NPPA: variants seen among roughly 807,000 people sequenced by gnomAD.
NPPA encodes natriuretic peptide A.
A neutral mutation model predicts 12.2 loss-of-function variants in NPPA; 10 were observed. That is an observed-to-expected ratio of 0.82 (90% CI 0.50 to 1.38). The LOEUF is 1.38. NPPA is among the 40% of genes most tolerant of loss of function. The probability of loss-of-function intolerance (pLI) is 0.00; values close to 1 mark genes in which losing one functional copy is unlikely to be tolerated. For synonymous variants in NPPA, 85 were observed against 80.2 expected (o/e 1.06, Z -0.32); for missense variants, 207 against 193.5 (o/e 1.07, Z -0.41).
At chr1:11,846,226 C>A (rs1645067287) in intron 2 of NPPA, among the ~76,000 whole-genome samples, 1 of 151,862 alleles carries the variant, frequency 6.6e-6, no homozygotes, top group Non-Finnish European at 1.5e-5. Flanking sequence ...CAGGATCTTG[C>A]AATTCTGGGG....
chr1:11,846,312 C>A (rs373135552), intron 2 of NPPA, among the ~76,000 whole-genome samples: 6 of 146,230 alleles, frequency 4.1e-5, no homozygotes, highest in Admixed American at 2.0e-4. Flanking sequence ...GTGCTAGTGG[C>A]AGTTGCTTTT....
rs756655689 is a variant in NPPA, at chr1:11,846,228, A to G, written c.451-214T>C. On this transcript the variant is annotated intron_variant, in intron 2 of 2. Transcript: ENST00000376480. ...CACTTAAGCCCTTCAGGATCTTGCA[A>G]TTCTGGGGAGGAATATGAACTGCTA... 5.3e-5 allele frequency among the ~76,000 whole-genome samples: 8 copies of G among 152,116 alleles called. No individual in the cohort carries two copies. The South Asian group carries it at 6.2e-4, about 12-fold the overall frequency.
At chr1:11,846,381 G>A (rs1049331557) in intron 2 of NPPA, among the ~76,000 whole-genome samples, 59 of 146,484 alleles carry the variant, frequency 4.0e-4, no homozygotes, top group Non-Finnish European at 1.2e-4. Flanking sequence ...GTGCAGTGGT[G>A]CCATCTCTGC....
In NPPA at chr1:11,845,901, A is replaced by T; in HGVS notation, c.*108T>A. On this transcript the variant is annotated 3_prime_UTR_variant, in exon 3 of 3. Transcript: ENST00000376480. Reference sequence around the variant, plus strand: ...CTGCAGCTTAGATGGGATGATCACAACTCCATGGCAACAAGATGACACAAA... The same window carrying T: ...CTGCAGCTTAGATGGGATGATCACATCTCCATGGCAACAAGATGACACAAA... 9.1e-7 allele frequency: 1 copy of T among 1,094,356 alleles called. No individual in the cohort carries two copies. The highest frequency in any genetic ancestry group is 1.4e-6 in the Non-Finnish European group (1 of 705,616). 67.8% of individuals were successfully genotyped at this position (1,094,356 alleles called of 1,614,324 possible).
chr1:11,847,509 ACAGCAT>A, intron 1 of NPPA, 47 bp downstream of exon 1: 1 of 1,614,140 alleles, frequency 6.2e-7, no homozygotes. Context: ...AGGAGTGAGC[ACAGCAT>A]CAGAAAGCCC....
rs952670905 is a variant in NPPA, at chr1:11,845,714, C to T, written c.*295G>A. The T allele has an allele frequency of 2.3e-6, 1 of 430,122 alleles. No individual in the cohort carries two copies. Among genetic ancestry groups the T allele is most frequent in the African/African-American group, 2.0e-5 (1 of 50,868 alleles). The allele number at this position is 430,122 out of a possible 1,614,324, so 26.6% of individuals were successfully genotyped here. On this transcript the variant is annotated 3_prime_UTR_variant, in exon 3 of 3. Coordinates refer to ENST00000376480, the MANE Select transcript of NPPA (RefSeq NM_006172.4). ...AAAGCACACCAACGCAGGCATTTGT[C>T]TTCTGTCCATGGTGCTGAAGTTTAT... is the stretch of plus-strand genomic sequence containing the variant.
rs1645077479 is a variant in NPPA, at chr1:11,847,456, T to TA, written c.124-18dup. On this transcript the variant is annotated splice_polypyrimidine_tract_variant and intron_variant, in intron 1 of 2. Transcript: ENST00000376480. ...CAGCAAATTCTTTAGAAAAGGAAAA[T>TA]ACAGGGAAAGGGATAAACCTCACTG... 2 of 1,613,782 alleles carry TA rather than the reference T, an allele frequency of 1.2e-6. No homozygotes were observed. Among genetic ancestry groups the TA allele is most frequent in the Non-Finnish European group, 1.7e-6 (2 of 1,179,964 alleles).
Position 11,847,414 on chromosome 1 carries a change from T to G in NPPA, c.149A>C (p.Lys50Thr). ...FKNLLDHLEE[K>T]MPLEDEVVPP... ...CACGACCTCATCTTCTAAAGGCATC[T>G]TTTCTTCCAAATGGTCCAGCAAATT... The change falls in exon 2 of 3, where the codon AAG (lysine) becomes ACG (threonine). Residue 50 changes from lysine to threonine, a missense_variant. Physicochemically the swap from Lys to Thr is moderately conservative, Grantham distance 78. Transcript: ENST00000376480. 6.2e-7 allele frequency: 1 copy of G among 1,614,066 alleles called. No homozygotes were observed. The highest frequency in any genetic ancestry group is 8.5e-7 in the Non-Finnish European group (1 of 1,180,016).
At chr1:11,847,472 AACC>A in intron 1 of NPPA, 33 bp from the exon 2 acceptor site, 1 of 1,613,966 alleles carries the variant, frequency 6.2e-7, no homozygotes, top group Non-Finnish European at 8.5e-7. Flanking sequence ...GAAAGGGATA[AACC>A]TCACTGACTT....
rs5068 is a variant in NPPA at position 11,845,917 on chromosome 1, A to G, written c.*92T>C. ...ATGATCACAACTCCATGGCAACAAG[A>G]TGACACAAATGCAGCAGAGACCCCA... On this transcript the variant is annotated 3_prime_UTR_variant, in exon 3 of 3. Coordinates refer to ENST00000376480, the MANE Select transcript of NPPA (RefSeq NM_006172.4). 62,310 of 1,253,368 alleles carry G rather than the reference A, an allele frequency of 0.05. 1,814 individuals are homozygous for G. Among genetic ancestry groups the G allele is most frequent in the Non-Finnish European group, 0.055 (46,436 of 850,816 alleles). 77.6% of individuals were successfully genotyped at this position (1,253,368 alleles called of 1,614,324 possible).
chr1:11,846,917 C>T (rs1345890742), intron 2 of NPPA, among the ~76,000 whole-genome samples, 196 bp downstream of exon 2: 1 of 147,380 alleles, frequency 6.8e-6, no homozygotes, highest in African/African-American at 2.4e-5. Flanking sequence ...CCCAGCCCCC[C>T]CCCCTTTTTT....
In NPPA at chr1:11,845,986, C is replaced by T. The variant is rs1184616704; in HGVS notation, c.*23G>A. 1 of 1,613,590 alleles carries T rather than the reference C, an allele frequency of 6.2e-7. No homozygotes were observed. The stretch of plus-strand genomic sequence containing the variant: ...CAGTCTGTCCCTAGGCCCAGCCCTG[C>T]TTGTCCTCCCTGGCTGTTATCTTCA... On this transcript the variant is annotated 3_prime_UTR_variant, in exon 3 of 3. Transcript: ENST00000376480.
rs1388432817 is a variant in NPPA at position 11,845,927 on chromosome 1, T to C, written c.*82A>G. On this transcript the variant is annotated 3_prime_UTR_variant, in exon 3 of 3. Coordinates refer to ENST00000376480, the MANE Select transcript of NPPA (RefSeq NM_006172.4). ...CTCCATGGCAACAAGATGACACAAA[T>C]GCAGCAGAGACCCCAGGGGACAGGA... 4 of 1,366,394 alleles carry C rather than the reference T, an allele frequency of 2.9e-6. No homozygotes were observed. The highest frequency in any genetic ancestry group is 4.2e-6 in the Non-Finnish European group (4 of 953,758). 84.6% of individuals were successfully genotyped at this position (1,366,394 alleles called of 1,614,324 possible).
rs996078879 is a variant in NPPA at position 11,847,768 on chromosome 1, C to T, written c.-84G>A. On this transcript the variant is annotated 5_prime_UTR_variant, in exon 1 of 3. Transcript: ENST00000376480. ...TCTCTGGTTCCCCTCTCTTGGCCTA[C>T]GTCTGTCCCTGTCTCCCAGCTGCCC... 3.5e-5 allele frequency: 56 copies of T among 1,598,826 alleles called. No individual in the cohort carries two copies. Among genetic ancestry groups the T allele is most frequent in the Admixed American group, 1.0e-4 (6 of 59,952 alleles).
chr1:11,847,698 A>G lies in NPPA; in HGVS notation c.-14T>C, dbSNP rs200327742. On this transcript the variant is annotated 5_prime_UTR_variant, in exon 1 of 3. Coordinates refer to ENST00000376480, the MANE Select transcript of NPPA (RefSeq NM_006172.4). Reference sequence around the variant, plus strand: ...GAAGGAGCTCATGCTGGCGTCGTCAAGGAGCAATCCACTGCTTGCTGCTCT... The same window carrying G: ...GAAGGAGCTCATGCTGGCGTCGTCAGGGAGCAATCCACTGCTTGCTGCTCT... The G allele has an allele frequency of 5.5e-5, 89 of 1,614,068 alleles. 1 individual carries two copies. The East Asian group carries it at 1.2e-3, about 23-fold the overall frequency.
At position 11,846,856 on chromosome 1, in the gene NPPA, C is replaced by G. The variant is rs198368; in HGVS notation, c.450+257G>C. On this transcript the variant is annotated intron_variant, in intron 2 of 2. Transcript: ENST00000376480. ...GTCTTGATCTCTTGACCTCATGATC[C>G]GCCTGCCTCGGCCTCCCAAAGTGCT... 0.14 allele frequency among the ~76,000 whole-genome samples: 20,486 copies of G among 151,000 alleles called. 2,137 individuals are homozygous for G. Among genetic ancestry groups the G allele is most frequent in the African/African-American group, 0.29 (11,814 of 40,822 alleles).
Position 11,845,917 on chromosome 1 carries a change from A to T in NPPA, c.*92T>A, listed in dbSNP as rs5068. On this transcript the variant is annotated 3_prime_UTR_variant, in exon 3 of 3. Transcript: ENST00000376480. ...ATGATCACAACTCCATGGCAACAAG[A>T]TGACACAAATGCAGCAGAGACCCCA... The T allele has an allele frequency of 8.0e-7, 1 of 1,253,814 alleles. No individual in the cohort carries two copies. The highest frequency in any genetic ancestry group is 1.2e-6 in the Non-Finnish European group (1 of 851,224). 77.7% of individuals were successfully genotyped at this position (1,253,814 alleles called of 1,614,324 possible). A position where few individuals can be genotyped will look rare whatever the true frequency, so the allele number is the denominator to read the frequency against.
At chr1:11,846,362 C>A (rs1266758759) in intron 2 of NPPA, among the ~76,000 whole-genome samples, 1 of 149,752 alleles carries the variant, frequency 6.7e-6, no homozygotes, top group African/African-American at 2.5e-5. Flanking sequence ...CTCTGTCGCC[C>A]AGGCTGGAGT....
At chr1:11,846,044 T>C (rs1340156382) in intron 2 of NPPA, 30 bp from the exon 3 acceptor site, 1 of 1,613,772 alleles carries the variant, frequency 6.2e-7, no homozygotes, top group African/African-American at 1.3e-5. Flanking sequence ...ATATCTGGCT[T>C]GGTGACCTGG....
Sources: allele counts gnomAD v4.1 joint callset (sites outside exome capture counted in the v4.1 genomes callset), GRCh38; gene constraint gnomAD v4.1.1; transcripts MANE v1.5; gene names NCBI Gene and HGNC (gene_info 2026-07-23, HGNC 2026-07-21).